The following DGKK variants were observed in gnomAD, a reference collection of about 807,000 sequenced individuals.
DGKK encodes 142 kDa diacylglycerol kinase.
A neutral mutation model predicts 92.2 loss-of-function variants in DGKK; 35 were observed. The observed-to-expected ratio is 0.38, with a 90% confidence interval of 0.29 to 0.50. The LOEUF (loss-of-function observed/expected upper bound fraction) is 0.50. Among genes scored for constraint, DGKK ranks in the 20% least tolerant of loss-of-function variants. DGKK has a pLI of 0.92. For missense variants in DGKK, 910 were observed against 992.2 expected (o/e 0.92, Z 1.11); for synonymous variants, 368 against 360.6 (o/e 1.02, Z -0.23).
rs375028509 is a variant in DGKK, at chrX:50,387,606, G to A, written c.2066C>T (p.Ala689Val). 1.2e-5 allele frequency: 14 copies of A among 1,207,071 alleles called. No individual in the cohort carries two copies. Among genetic ancestry groups the A allele is most frequent in the Non-Finnish European group, 1.6e-5 (14 of 893,208 alleles). Residue 689 changes from alanine (A) to valine (V), a missense_variant, in exon 14 of 28, where the codon GCC becomes GTC. Physicochemically the swap from Ala to Val is moderately conservative, Grantham distance 64 (BLOSUM62 0). Transcript: ENST00000611977. Reference sequence around the variant, plus strand: ...GTTGTTCTGTTTTATCTGACCCCAGGCCTTTACAATATCAACCACAAAATC... The same window carrying A: ...GTTGTTCTGTTTTATCTGACCCCAGACCTTTACAATATCAACCACAAAATC... ...VEDFVVDIVK[A>V]WGQIKQNNTA...
intron 1 of DGKK, among the ~76,000 whole-genome samples, chrX:50,452,328 C>T (rs113285144): frequency 1.8e-5 from 2 of 112,091 alleles, no homozygotes; most frequent in African/African-American, 3.2e-5. Context: ...GACATTAAGG[C>T]ATAGGACAGA....
intron 20 of DGKK, 124 bp downstream of exon 20, chrX:50,379,503 G>A (rs1924358781): frequency 1.8e-6 from 1 of 548,400 alleles, no homozygotes. Flanking sequence ...GCTAATAAAG[G>A]TTCTCGGACC....
intron 13 of DGKK, among the ~76,000 whole-genome samples, chrX:50,388,106 C>T (rs1924595122): frequency 8.9e-6 from 1 of 111,890 alleles, no homozygotes; most frequent in African/African-American, 3.3e-5. Flanking sequence ...CCTAAGAAGT[C>T]CCAGAAGAAA....
At chrX:50,468,724 A>G (rs1557234219) in intron 1 of DGKK, among the ~76,000 whole-genome samples, 2 of 110,732 alleles carry the variant, frequency 1.8e-5, no homozygotes, top group African/African-American at 6.6e-5. Flanking sequence ...CGTGATGCCA[A>G]TCTGCCCCCT....
At chrX:50,378,053 T>C (rs1924315840) in intron 22 of DGKK, 45 bp downstream of exon 22, 1 of 1,172,037 alleles carries the variant, frequency 8.5e-7, no homozygotes, top group Admixed American at 2.6e-5. Context: ...CAAGTGACTA[T>C]GGATGAGGCA....
chrX:50,365,571 C>T lies in DGKK; in HGVS notation c.*3369G>A, dbSNP rs1192625228. On this transcript the variant is annotated 3_prime_UTR_variant, in exon 28 of 28. Transcript: ENST00000611977. Reference sequence around the variant, plus strand: ...AAATACCCCAGCTTCCTCCCCCAACCAGCCCCTGGCCCTGCTGCTTATTTG... The same window carrying T: ...AAATACCCCAGCTTCCTCCCCCAACTAGCCCCTGGCCCTGCTGCTTATTTG... 9.0e-6 allele frequency: 1 copy of T among 111,027 alleles called. No individual in the cohort carries two copies. The highest frequency in any genetic ancestry group is 3.3e-5 in the African/African-American group (1 of 30,458). 9.1% of individuals were successfully genotyped at this position (111,027 alleles called of 1,213,427 possible).
chrX:50,432,151 G>T, intron 1 of DGKK, among the ~76,000 whole-genome samples: 1 of 111,534 alleles, frequency 9.0e-6, no homozygotes, highest in Non-Finnish European at 1.9e-5. Flanking sequence ...CTGAGACCTC[G>T]TGGTCATCCT....
At chrX:50,426,498 G>T (rs1255297596) in intron 1 of DGKK, among the ~76,000 whole-genome samples, 2 of 111,347 alleles carry the variant, frequency 1.8e-5, no homozygotes, top group Non-Finnish European at 3.8e-5. Context: ...CTTTGTTCAA[G>T]TTCCTATTTT....
intron 1 of DGKK, among the ~76,000 whole-genome samples, chrX:50,469,660 T>A (rs185454924): frequency 8.8e-6 from 1 of 113,089 alleles, no homozygotes; most frequent in South Asian, 3.7e-4. Flanking sequence ...CCGTCCGCTA[T>A]GTATTCGGGG....
At chrX:50,450,099 C>T (rs1926461866) in intron 1 of DGKK, among the ~76,000 whole-genome samples, 1 of 111,569 alleles carries the variant, frequency 9.0e-6, no homozygotes, top group Non-Finnish European at 1.9e-5. Context: ...ATCCACTACT[C>T]ACACTAGATA....
rs138593004 is a variant in DGKK, at chrX:50,461,768, G to A, written c.645+8266C>T. On this transcript the variant is annotated intron_variant, in intron 1 of 27. Transcript: ENST00000611977. ...TTAAACACATAGCACATAGGGAGCA[G>A]GTATCAGTTTACGTTTTAAAGAAAT... Among the ~76,000 whole-genome samples the A allele has an allele frequency of 2.7e-4, 30 of 112,129 alleles. No individual in the cohort carries two copies. In the East Asian group the frequency reaches 6.8e-3, roughly 25 times the overall value.
chrX:50,392,257 G>A (rs1288861514), intron 10 of DGKK, 84 bp downstream of exon 10: 4 of 705,420 alleles, frequency 5.7e-6, no homozygotes, highest in East Asian at 3.3e-5. Flanking sequence ...CAGGGAGGGC[G>A]AAGACTTGGG....
chrX:50,470,530 G>C lies in DGKK; in HGVS notation c.149C>G (p.Ser50Trp). Reference protein sequence around the residue: ...PPAPPLLSEASPEPIPEPCPE... With the variant: ...PPAPPLLSEAWPEPIPEPCPE... ...ACAGGGCTCTGGTATGGGTTCTGGC[G>C]AAGCCTCGGAGAGCAGCGGCGGAGC... Residue 50 changes from serine (S) to tryptophan (W), a missense_variant, in exon 1 of 28, where the codon TCG becomes TGG. By Grantham distance (177) the Ser-to-Trp change is radical (BLOSUM62 -3). Transcript: ENST00000611977. 1 of 1,210,956 alleles carries C rather than the reference G, an allele frequency of 8.3e-7. No individual in the cohort carries two copies. The highest frequency in any genetic ancestry group is 1.1e-6 in the Non-Finnish European group (1 of 895,470).
chrX:50,467,749 G>A (rs1346509203), intron 1 of DGKK, among the ~76,000 whole-genome samples: 1 of 112,631 alleles, frequency 8.9e-6, no homozygotes, highest in Non-Finnish European at 1.9e-5. Flanking sequence ...GGAAGATGCA[G>A]GAGAGAATGA....
chrX:50,374,639 C>G (rs782308610), intron 25 of DGKK, among the ~76,000 whole-genome samples: 69 of 111,208 alleles, frequency 6.2e-4, no homozygotes, highest in Non-Finnish European at 1.1e-3. Context: ...TTGGGAGGTA[C>G]AAAGCAGCTC....
At chrX:50,383,480 A>C (rs1557224639) in intron 17 of DGKK, among the ~76,000 whole-genome samples, 1 of 112,103 alleles carries the variant, frequency 8.9e-6, no homozygotes, top group African/African-American at 3.2e-5. Flanking sequence ...AGAAAACATA[A>C]ATAATTTCTA....
chrX:50,384,949 C>T, intron 15 of DGKK, 125 bp from the exon 16 acceptor site: 2 of 521,306 alleles, frequency 3.8e-6, no homozygotes, highest in East Asian at 3.6e-5. Context: ...TATCGAGCAT[C>T]TATTTTGTTT....
intron 4 of DGKK, among the ~76,000 whole-genome samples, chrX:50,408,619 G>A (rs781998389): frequency 9.1e-6 from 1 of 110,376 alleles, no homozygotes; most frequent in Non-Finnish European, 1.9e-5. Context: ...TCCTGACCTC[G>A]TGATCCGCCC....
chrX:50,378,154 G>T lies in DGKK; in HGVS notation c.3055C>A (p.Pro1019Thr). 8.3e-7 allele frequency: 1 copy of T among 1,210,486 alleles called. No homozygotes were observed. The highest frequency in any genetic ancestry group is 1.1e-6 in the Non-Finnish European group (1 of 894,814). Residue 1019 changes from proline to threonine, a missense_variant, in exon 22 of 28, where the codon CCA becomes ACA. By Grantham distance (38) the Pro-to-Thr change is conservative (BLOSUM62 -1). Transcript: ENST00000611977. ...TTGTATCTAATTTTGATAAGGCCTG[G>T]TCTCTGAATCCAGGCCTCCCCATCC... ...QVDGEAWIQR[P>T]GLIKIRYKNA...
Sources: allele counts gnomAD v4.1 joint callset (sites outside exome capture counted in the v4.1 genomes callset), GRCh38; gene constraint gnomAD v4.1.1; transcripts MANE v1.5; gene names NCBI Gene and HGNC (gene_info 2026-07-23, HGNC 2026-07-21).